FLNB: variants seen among roughly 807,000 people sequenced by gnomAD.
FLNB encodes the protein filamin B.
FLNB carries 111 observed loss-of-function variants against 250.6 expected under a neutral mutation model. That is an observed-to-expected ratio of 0.44 (90% CI 0.38 to 0.52). The LOEUF is 0.52. FLNB is among the 20% of genes least tolerant of loss of function. The probability of loss-of-function intolerance (pLI) is 0.00; values close to 1 mark genes in which losing one functional copy is unlikely to be tolerated. For synonymous variants in FLNB, 1,302 were observed against 1,372.1 expected, an observed-to-expected ratio of 0.95 and a Z score of 1.13; for missense variants, 2,869 against 3,447.8, an observed-to-expected ratio of 0.83 and a Z score of 4.20.
chr3:58,052,026 C>A (rs1294691789), intron 1 of FLNB, among the ~76,000 whole-genome samples: 2 of 152,012 alleles, frequency 1.3e-5, no homozygotes, highest in Non-Finnish European at 2.9e-5. Flanking sequence ...GGCTGGGACT[C>A]CAGGCACGCG....
Position 58,098,695 on chromosome 3 carries a change from G to A in FLNB, c.1148-16G>A. The A allele has an allele frequency of 6.2e-7, 1 of 1,613,894 alleles. No individual in the cohort carries two copies. The highest frequency in any genetic ancestry group is 8.5e-7 in the Non-Finnish European group (1 of 1,179,842). On this transcript the variant is annotated splice_polypyrimidine_tract_variant and intron_variant, in intron 7 of 45. Transcript: ENST00000295956. ...AGAGGGTGACTTGGGCTCATGGAAT[G>A]CTTGCTTTCTTGTAGGAGCTGGTGT... is the stretch of plus-strand genomic sequence containing the variant.
intron 1 of FLNB, among the ~76,000 whole-genome samples, chr3:58,073,331 T>C (rs2097197361): frequency 2.0e-5 from 3 of 152,120 alleles, no homozygotes; most frequent in Admixed American, 1.3e-4. Flanking sequence ...AATAACAGGA[T>C]AACTAATCCA....
At chr3:58,035,623 C>G (rs1419953382) in intron 1 of FLNB, among the ~76,000 whole-genome samples, 1 of 152,132 alleles carries the variant, frequency 6.6e-6, no homozygotes, top group East Asian at 1.9e-4. Context: ...CAGTGACTCT[C>G]CCCAATTAAA....
At chr3:58,154,757 C>T in intron 39 of FLNB, 34 bp from the exon 40 acceptor site, 2 of 1,612,094 alleles carry the variant, frequency 1.2e-6, no homozygotes. Context: ...CTCTGTGGGG[C>T]TCAGTCACTA....
At chr3:58,064,298 G>A (rs1158260379) in intron 1 of FLNB, among the ~76,000 whole-genome samples, 2 of 151,982 alleles carry the variant, frequency 1.3e-5, no homozygotes, top group East Asian at 1.9e-4. Context: ...TCACCACCAC[G>A]CCCAACTAAT....
At chr3:58,146,092 T>A in intron 33 of FLNB, 43 bp downstream of exon 33, 1 of 1,611,920 alleles carries the variant, frequency 6.2e-7, no homozygotes, top group African/African-American at 1.3e-5. Flanking sequence ...AGCTGTCCAT[T>A]TGGAGGGTGA....
intron 17 of FLNB, 92 bp downstream of exon 17, chr3:58,111,973 A>C: frequency 8.4e-7 from 1 of 1,187,522 alleles, no homozygotes; most frequent in Non-Finnish European, 1.3e-6. Flanking sequence ...CTTCATCTCC[A>C]CCAACACCAA....
chr3:58,122,976 G>C, intron 20 of FLNB, 117 bp from the exon 21 acceptor site: 14 of 946,416 alleles, frequency 1.5e-5, no homozygotes. Context: ...AAAGCCCCAA[G>C]AGAAGGGCTG....
chr3:58,070,939 C>G (rs1332907147), intron 1 of FLNB, among the ~76,000 whole-genome samples: 11 of 149,916 alleles, frequency 7.3e-5, no homozygotes. Context: ...CTCTCTTGCT[C>G]TCTCTCTCTC....
At chr3:58,092,043 AACAG>A (rs1400141539) in intron 4 of FLNB, among the ~76,000 whole-genome samples, 7 of 152,230 alleles carry the variant, frequency 4.6e-5, no homozygotes, top group African/African-American at 1.4e-4. Flanking sequence ...GTCGTTAAAA[AACAG>A]ACAAACATTT....
At position 58,123,655 on chromosome 3, in the gene FLNB, G is replaced by A. The variant is rs779191977; in HGVS notation, c.3689G>A (p.Arg1230Lys). 3.1e-6 allele frequency: 5 copies of A among 1,606,944 alleles called. No individual in the cohort carries two copies. Among genetic ancestry groups the A allele is most frequent in the Middle Eastern group, 1.7e-4 (1 of 5,956 alleles). The change falls in exon 21 of 46, where the codon AGG becomes AAG. Residue 1230 changes from arginine (R) to lysine (K), a missense_variant. Around this residue, in one of 5 missense-constraint regions of FLNB, gnomAD observed 1,348 missense variants for 1,466.7 expected, o/e 0.92. Coordinates refer to ENST00000295956, the MANE Select transcript of FLNB (RefSeq NM_001457.4). The stretch of plus-strand genomic sequence containing the variant: ...GTGGAGCCCGCCGTGGACACCAGCA[G>A]GATCAAAGTCTTTGGACCAGGAATA... ...VKVEPAVDTS[R>K]IKVFGPGIEG... is the part of the protein sequence containing the mutation.
rs151014421 is a variant in FLNB at position 58,081,656 on chromosome 3, C to T, written c.667C>T (p.Pro223Ser). 6.2e-7 allele frequency: 1 copy of T among 1,614,034 alleles called. No individual in the cohort carries two copies. Among genetic ancestry groups the T allele is most frequent in the Non-Finnish European group, 8.5e-7 (1 of 1,179,972 alleles). ...CATCACTCCTGAAGAAATCATTCACCCGGATGTGGACGAGCACTCAGTTAT... is the reference window on the plus strand; with the variant it reads ...CATCACTCCTGAAGAAATCATTCACTCGGATGTGGACGAGCACTCAGTTAT... ...QVITPEEIIHPDVDEHSVMTY... is the reference protein window; with the variant it reads ...QVITPEEIIHSDVDEHSVMTY... The change falls in exon 4 of 46, where the codon CCG becomes TCG. Residue 223 changes from proline to serine, a missense_variant. Transcript: ENST00000295956.
At chr3:58,039,545 G>A (rs930263984) in intron 1 of FLNB, among the ~76,000 whole-genome samples, 2 of 152,158 alleles carry the variant, frequency 1.3e-5, no homozygotes, top group Admixed American at 6.6e-5. Context: ...CCCAGCTAGT[G>A]CATTTCCTAC....
At chr3:58,068,651 G>C (rs543845732) in intron 1 of FLNB, among the ~76,000 whole-genome samples, 3 of 152,208 alleles carry the variant, frequency 2.0e-5, no homozygotes, top group African/African-American at 7.2e-5. Flanking sequence ...CAAGGATGGA[G>C]AGAAACTGCA....
At chr3:58,057,427 T>C (rs959852296) in intron 1 of FLNB, among the ~76,000 whole-genome samples, 1 of 152,202 alleles carries the variant, frequency 6.6e-6, no homozygotes, top group Non-Finnish European at 1.5e-5. Flanking sequence ...GCTTTAGAAG[T>C]GTTTTGTTGG....
At chr3:58,126,834 C>G in intron 24 of FLNB, 72 bp downstream of exon 24, 1 of 1,373,820 alleles carries the variant, frequency 7.3e-7, no homozygotes, top group South Asian at 1.2e-5. Flanking sequence ...TTTTGGTTAT[C>G]TCTCTGAGTG....
chr3:58,081,242 T>G (rs2097208900), intron 3 of FLNB, among the ~76,000 whole-genome samples: 1 of 152,216 alleles, frequency 6.6e-6, no homozygotes, highest in South Asian at 2.1e-4. Flanking sequence ...CTGGTTAACC[T>G]GTGCACTTTT....
At chr3:58,020,096 T>TGTGTGTGTGTG (rs1553680503) in intron 1 of FLNB, among the ~76,000 whole-genome samples, 1 of 114,754 alleles carries the variant, frequency 8.7e-6, no homozygotes. Flanking sequence ...TGTGTGTGTG[T>TGTGTGTGTGTG]TGAGGGGAGT....
chr3:58,084,215 T>C (rs1255791608), intron 4 of FLNB, among the ~76,000 whole-genome samples: 1 of 151,610 alleles, frequency 6.6e-6, no homozygotes, highest in Non-Finnish European at 1.5e-5. Flanking sequence ...AAAAAGTGCT[T>C]TCTTTAAGGC....
Sources: allele counts gnomAD v4.1 joint callset (sites outside exome capture counted in the v4.1 genomes callset), GRCh38; gene constraint gnomAD v4.1.1; regional missense constraint gnomAD v4.1.1; transcripts MANE v1.5; gene names NCBI Gene and HGNC (gene_info 2026-07-23, HGNC 2026-07-21).